The following IL1RL1 variants were observed in gnomAD, a reference collection of about 807,000 sequenced individuals.
The protein encoded by IL1RL1 is interleukin-1 receptor-like 1.
A neutral mutation model predicts 50.9 loss-of-function variants in IL1RL1; 32 were observed. The ratio of observed to expected loss-of-function variants is 0.63; its 90% CI spans 0.47 to 0.84. The LOEUF is 0.84. Among genes scored for constraint, IL1RL1 ranks in the 40% least tolerant of loss-of-function variants. The probability of loss-of-function intolerance (pLI) is 0.00; values close to 1 mark genes in which losing one functional copy is unlikely to be tolerated. For synonymous variants in IL1RL1, 275 were observed against 236.0 expected (o/e 1.17, Z -1.51); for missense variants, 773 against 662.9 (o/e 1.17, Z -1.82).
intron 1 of IL1RL1, among the ~76,000 whole-genome samples, chr2:102,323,099 T>C (rs1252354722): frequency 2.0e-5 from 3 of 152,006 alleles, no homozygotes; most frequent in African/African-American, 7.3e-5. Flanking sequence ...TGATAGACAT[T>C]TGGATTATGT....
At position 102,340,683 on chromosome 2, in the gene IL1RL1, A is replaced by T; in HGVS notation, c.465A>T (p.Gln155His). ...LEWFKNCQALQGSRYRAHKSF... is the reference protein window; with the variant it reads ...LEWFKNCQALHGSRYRAHKSF... ...TATTTCAGAATTGTCAGGCTCTTCA[A>T]GGATCAAGGTACAGGGCGCACAAGT... Residue 155 changes from glutamine (Q) to histidine (H), a missense_variant, in exon 5 of 11, where the codon CAA becomes CAT. Physicochemically the swap from Gln to His is conservative, Grantham distance 24. Transcript: ENST00000233954. 6.3e-7 allele frequency: 1 copy of T among 1,590,712 alleles called. No individual in the cohort carries two copies.
chr2:102,315,015 T>C (rs1019040924), intron 1 of IL1RL1, among the ~76,000 whole-genome samples: 4 of 152,222 alleles, frequency 2.6e-5, no homozygotes, highest in Admixed American at 2.6e-4. Context: ...TTATCTGCTT[T>C]CTGTCTTTGC....
intron 5 of IL1RL1, chr2:102,341,439 T>C (rs1205643481): frequency 1.5e-6 from 1 of 684,106 alleles, no homozygotes; most frequent in Non-Finnish European, 1.9e-6. Context: ...GATTTCACAA[T>C]CATAGCTTAT....
chr2:102,343,204 C>G, intron 7 of IL1RL1, 27 bp downstream of exon 7: 1 of 1,613,982 alleles, frequency 6.2e-7, no homozygotes, highest in Non-Finnish European at 8.5e-7. Flanking sequence ...GAGAACCATC[C>G]TCTTCCCCTT....
At chr2:102,314,692 CA>C (rs1359149995) in intron 1 of IL1RL1, among the ~76,000 whole-genome samples, 2 of 152,204 alleles carry the variant, frequency 1.3e-5, no homozygotes, top group South Asian at 4.1e-4. Flanking sequence ...TCTGGTGGTA[CA>C]GGGGTAAAAG....
intron 1 of IL1RL1, among the ~76,000 whole-genome samples, chr2:102,334,220 T>C (rs1234886627): frequency 6.6e-6 from 1 of 152,220 alleles, no homozygotes; most frequent in Non-Finnish European, 1.5e-5. Flanking sequence ...AGCATTCCCT[T>C]TTCTCCATAT....
intron 8 of IL1RL1, among the ~76,000 whole-genome samples, chr2:102,347,641 G>T (rs1239043346): frequency 6.6e-6 from 1 of 152,124 alleles, no homozygotes; most frequent in African/African-American, 2.4e-5. Context: ...AGTCCTGCAT[G>T]GAGCAAGCTC....
At chr2:102,343,917 TC>T in intron 8 of IL1RL1, 1 of 995,284 alleles carries the variant, frequency 1.0e-6, no homozygotes, top group Non-Finnish European at 1.2e-6. Flanking sequence ...AGTGAGAAAA[TC>T]CTAGGTGCTA....
intron 1 of IL1RL1, among the ~76,000 whole-genome samples, chr2:102,325,851 G>A (rs1676983253): frequency 6.6e-6 from 1 of 152,234 alleles, no homozygotes; most frequent in Admixed American, 6.5e-5. Flanking sequence ...ATGGGACTAT[G>A]TGAAAAGACC....
intron 8 of IL1RL1, chr2:102,345,200 T>C (rs1677737455): frequency 1.0e-6 from 1 of 980,504 alleles, no homozygotes; most frequent in Non-Finnish European, 1.2e-6. Flanking sequence ...AGAGATGAAG[T>C]GCTCTTCCCA....
At chr2:102,323,661 C>T (rs1014447616) in intron 1 of IL1RL1, among the ~76,000 whole-genome samples, 2 of 152,002 alleles carry the variant, frequency 1.3e-5, no homozygotes, top group African/African-American at 4.8e-5. Flanking sequence ...AACTCACCAC[C>T]AAGGGAGGGG....
chr2:102,328,646 C>A (rs1382390028), intron 1 of IL1RL1, among the ~76,000 whole-genome samples: 2 of 152,154 alleles, frequency 1.3e-5, no homozygotes, highest in African/African-American at 4.8e-5. Context: ...TCAGCAAAGT[C>A]TCAGGATAAA....
chr2:102,351,705 G>T lies in IL1RL1; in HGVS notation c.1455G>T (p.Leu485=). 1 of 1,614,118 alleles carries T rather than the reference G, an allele frequency of 6.2e-7. No individual in the cohort carries two copies. Among genetic ancestry groups the T allele is most frequent in the Non-Finnish European group, 8.5e-7 (1 of 1,180,018 alleles). Residue 485 remains leucine (L), a synonymous_variant, in exon 11 of 11, where the codon CTG becomes CTT. Coordinates refer to ENST00000233954, the MANE Select transcript of IL1RL1 (RefSeq NM_016232.5). ...AKVILIEMEA[L]SELDMLQAEA... ...TGATACTTATTGAGATGGAGGCTCT[G>T]AGCGAGCTGGACATGCTGCAGGCTG...
chr2:102,313,886 G>A (rs13011148), intron 1 of IL1RL1, among the ~76,000 whole-genome samples: 12,643 of 152,276 alleles, frequency 0.083, 582 homozygotes, highest in Middle Eastern at 0.31. Flanking sequence ...TCCTACTACA[G>A]GTTGGTGGAA....
chr2:102,338,735 C>A, intron 2 of IL1RL1, 102 bp from the exon 3 acceptor site: 1 of 848,918 alleles, frequency 1.2e-6, no homozygotes, highest in Non-Finnish European at 1.9e-6. Flanking sequence ...CAGTATATGA[C>A]CGGCTTCTAA....
At position 102,349,384 on chromosome 2, in the gene IL1RL1, C is replaced by T. The variant is rs543015641; in HGVS notation, c.1285+138C>T. ...AAGACCAGAACTTTAAATATTTATC[C>T]AGAAGCAGACACTTATCCTTCAATC... On this transcript the variant is annotated intron_variant, in intron 10 of 10. Transcript: ENST00000233954. 1.5e-5 allele frequency: 10 copies of T among 652,232 alleles called. No individual in the cohort carries two copies. The East Asian group carries it at 2.2e-4, about 14-fold the overall frequency. The allele number at this position is 652,232 out of a possible 1,614,324, so 40.4% of individuals were successfully genotyped here.
At position 102,338,927 on chromosome 2, in the gene IL1RL1, C is replaced by A. The variant is rs1402393586; in HGVS notation, c.152C>A (p.Ser51Ter). 6.2e-7 allele frequency: 1 copy of A among 1,613,746 alleles called. No individual in the cohort carries two copies. The change falls in exon 3 of 11, where the codon TCA (serine) becomes TAA (stop). Residue 51 changes from serine to a stop codon, truncating the protein, a stop_gained. Coordinates refer to ENST00000233954, the MANE Select transcript of IL1RL1 (RefSeq NM_016232.5). LOFTEE classifies it high-confidence loss of function. ...AGTTACACCGTGGATTGGTATTACT[C>A]ACAAACAAACAAAAGTATTCCCACT... ...KPSYTVDWYY[S>*]QTNKSIPTQE...
chr2:102,320,000 TTTG>T (rs1477014289), intron 1 of IL1RL1, among the ~76,000 whole-genome samples: 5 of 152,240 alleles, frequency 3.3e-5, no homozygotes, highest in Admixed American at 1.3e-4. Context: ...TTTCTTTTGC[TTTG>T]TTATTTTAAA....
chr2:102,319,685 C>A (rs546418519), intron 1 of IL1RL1, among the ~76,000 whole-genome samples: 6 of 152,024 alleles, frequency 3.9e-5, no homozygotes, highest in African/African-American at 7.2e-5. Context: ...TTGTATCTCT[C>A]GCCCTCTTTT....
Sources: allele counts gnomAD v4.1 joint callset (sites outside exome capture counted in the v4.1 genomes callset), GRCh38; gene constraint gnomAD v4.1.1; transcripts MANE v1.5; gene names NCBI Gene and HGNC (gene_info 2026-07-23, HGNC 2026-07-21).